ASIC2: variants seen among roughly 807,000 people sequenced by gnomAD.
The protein encoded by ASIC2 is acid sensing ion channel subunit 2, also known as acid-sensing ion channel 2.
A neutral mutation model predicts 57.3 loss-of-function variants in ASIC2; 25 were observed. The ratio of observed to expected loss-of-function variants is 0.44; its 90% CI spans 0.32 to 0.61. The LOEUF is 0.61. ASIC2 is among the 20% of genes least tolerant of loss of function. ASIC2 has a pLI of 0.06. For missense variants in ASIC2, 641 were observed against 738.1 expected (o/e 0.87, Z 1.52); for synonymous variants, 319 against 307.5 (o/e 1.04, Z -0.39).
At chr17:34,034,472 C>T (rs1349744438) in intron 1 of ASIC2, among the ~76,000 whole-genome samples, 2 of 152,218 alleles carry the variant, frequency 1.3e-5, no homozygotes, top group African/African-American at 4.8e-5. Context: ...TGCCCTCTCT[C>T]ACCATTCCTA....
At chr17:33,299,896 C>A (rs372170348) in intron 1 of ASIC2, among the ~76,000 whole-genome samples, 1 of 152,092 alleles carries the variant, frequency 6.6e-6, no homozygotes, top group African/African-American at 2.4e-5. Flanking sequence ...TCACTTTCAG[C>A]GGAGGAAGTC....
chr17:33,534,757 A>G (rs984285774), intron 1 of ASIC2: 3 of 152,234 alleles, frequency 2.0e-5, no homozygotes, highest in African/African-American at 4.8e-5. Context: ...CCAGTGCTCT[A>G]TACCGAGGGG....
intron 1 of ASIC2, among the ~76,000 whole-genome samples, chr17:33,967,119 G>T (rs764979160): frequency 8.6e-5 from 13 of 152,034 alleles, no homozygotes; most frequent in Non-Finnish European, 1.8e-4. Context: ...GATTTCTTTG[G>T]TGTCTCTATT....
At chr17:33,846,736 T>A (rs1047625314) in intron 1 of ASIC2, among the ~76,000 whole-genome samples, 2 of 152,028 alleles carry the variant, frequency 1.3e-5, no homozygotes, top group African/African-American at 4.8e-5. Context: ...CTTTTTTTTT[T>A]TTTTTTGAGA....
chr17:34,095,816 A>T (rs1375107178), intron 1 of ASIC2, among the ~76,000 whole-genome samples: 6 of 150,300 alleles, frequency 4.0e-5, no homozygotes. Flanking sequence ...GAGGGTTCAT[A>T]GACAGAAAGT....
intron 1 of ASIC2, among the ~76,000 whole-genome samples, chr17:33,123,109 T>A (rs569181457): frequency 5.9e-5 from 9 of 152,308 alleles, no homozygotes; most frequent in Admixed American, 5.2e-4. Flanking sequence ...AAAAATAGAA[T>A]TACCATATGA....
chr17:33,514,115 G>T (rs181536354), intron 1 of ASIC2, among the ~76,000 whole-genome samples: 233 of 152,248 alleles, frequency 1.5e-3, no homozygotes, highest in Admixed American at 3.7e-3. Flanking sequence ...GTTTTCTCAG[G>T]TACACAGCTG....
intron 1 of ASIC2, among the ~76,000 whole-genome samples, chr17:33,118,579 C>A (rs2092289487): frequency 6.6e-6 from 1 of 152,136 alleles, no homozygotes; most frequent in Admixed American, 6.5e-5. Flanking sequence ...TTAGAGCTCT[C>A]CCACCTGGTA....
intron 1 of ASIC2, among the ~76,000 whole-genome samples, chr17:33,393,307 T>C (rs796208702): frequency 2.6e-5 from 4 of 152,208 alleles, no homozygotes; most frequent in African/African-American, 9.6e-5. Context: ...GTTGTAGCCA[T>C]TCACCATGGC....
chr17:33,975,465 T>C (rs1905353160), intron 1 of ASIC2, among the ~76,000 whole-genome samples: 1 of 152,008 alleles, frequency 6.6e-6, no homozygotes, highest in African/African-American at 2.4e-5. Flanking sequence ...ATCTGTTTTC[T>C]AGGAAAGTCA....
At chr17:33,805,029 C>T (rs527314218) in intron 1 of ASIC2, among the ~76,000 whole-genome samples, 33 of 152,140 alleles carry the variant, frequency 2.2e-4, no homozygotes, top group South Asian at 8.3e-4. Flanking sequence ...AGGTTCCAGA[C>T]GCCCCATAAA....
intron 1 of ASIC2, among the ~76,000 whole-genome samples, chr17:33,419,828 A>T (rs751802709): frequency 8.5e-5 from 13 of 152,312 alleles, no homozygotes; most frequent in South Asian, 2.1e-4. Flanking sequence ...AATGAGGTTC[A>T]TCTAGTCGTG....
intron 1 of ASIC2, among the ~76,000 whole-genome samples, chr17:33,671,004 G>GT (rs1209453306): frequency 6.6e-6 from 1 of 152,184 alleles, no homozygotes; most frequent in Non-Finnish European, 1.5e-5. Context: ...GAGATGAAAA[G>GT]TTTAAGAACC....
intron 1 of ASIC2, among the ~76,000 whole-genome samples, chr17:33,492,948 C>T (rs1054797743): frequency 2.6e-5 from 4 of 152,330 alleles, no homozygotes; most frequent in Admixed American, 2.6e-4. Context: ...CAGAGGTTTC[C>T]AGCCACAGGC....
intron 9 of ASIC2, among the ~76,000 whole-genome samples, chr17:33,015,505 A>G (rs1346554851): frequency 6.6e-6 from 1 of 152,166 alleles, no homozygotes; most frequent in Non-Finnish European, 1.5e-5. Flanking sequence ...TACCAGGCAT[A>G]CAATAGTCAG....
chr17:33,993,739 T>C (rs1597965974), intron 1 of ASIC2, among the ~76,000 whole-genome samples: 1 of 108,912 alleles, frequency 9.2e-6, no homozygotes, highest in Non-Finnish European at 1.6e-5. Context: ...TGAACTGTGA[T>C]AGTTTAGTCT....
At chr17:33,933,976 A>T (rs1340321144) in intron 1 of ASIC2, among the ~76,000 whole-genome samples, 1 of 152,196 alleles carries the variant, frequency 6.6e-6, no homozygotes, top group Admixed American at 6.5e-5. Flanking sequence ...GTTCACTTTA[A>T]TCAACAGAAC....
chr17:33,346,098 G>T (rs760401061), intron 1 of ASIC2, among the ~76,000 whole-genome samples: 12 of 151,722 alleles, frequency 7.9e-5, no homozygotes, highest in Non-Finnish European at 1.8e-4. Context: ...ATGGTCGTGG[G>T]CGTCTGTAAT....
At chr17:33,637,771 T>C (rs1261715744) in intron 1 of ASIC2, among the ~76,000 whole-genome samples, 4 of 152,212 alleles carry the variant, frequency 2.6e-5, no homozygotes, top group Admixed American at 2.6e-4. Flanking sequence ...ATGAAACTAG[T>C]TCACTGAGCC....
Sources: allele counts gnomAD v4.1 joint callset (sites outside exome capture counted in the v4.1 genomes callset), GRCh38; gene constraint gnomAD v4.1.1; transcripts MANE v1.5; gene names NCBI Gene and HGNC (gene_info 2026-07-23, HGNC 2026-07-21).